The following SMYD3 variants were observed in gnomAD, a reference collection of about 807,000 sequenced individuals.
SMYD3 encodes the protein histone-lysine N-methyltransferase SMYD3.
In SMYD3, 36 loss-of-function variants were observed where a neutral mutation model predicts 57.7. The observed-to-expected ratio is 0.62, with a 90% CI of 0.48 to 0.82. The LOEUF (loss-of-function observed/expected upper bound fraction) is 0.82. Ranked by LOEUF, SMYD3 falls within the 40% of genes least tolerant of loss-of-function variation. The pLI is 0.00. For missense variants in SMYD3, 515 were observed against 538.8 expected (o/e 0.96, Z 0.44); for synonymous variants, 211 against 195.0 (o/e 1.08, Z -0.68).
intron 5 of SMYD3, among the ~76,000 whole-genome samples, chr1:246,270,688 A>G (rs568483924): frequency 2.6e-5 from 4 of 152,334 alleles, no homozygotes; most frequent in African/African-American, 9.6e-5. Context: ...ATTTTATGAT[A>G]TGTATGTATG....
chr1:246,395,726 AGT>A (rs2066655774), intron 1 of SMYD3, among the ~76,000 whole-genome samples: 1 of 95,434 alleles, frequency 1.0e-5, no homozygotes, highest in African/African-American at 3.8e-5. Context: ...CGAACACACC[AGT>A]CAGACAGGGA....
chr1:246,433,532 G>A (rs756203085), intron 1 of SMYD3, among the ~76,000 whole-genome samples: 13 of 152,030 alleles, frequency 8.6e-5, no homozygotes, highest in African/African-American at 2.9e-4. Context: ...ATGCTGGCAC[G>A]CGCCTGTAAT....
chr1:245,896,389 C>CAAA lies in SMYD3; in HGVS notation c.813+19138_813+19140dup, dbSNP rs3052904. On this transcript the variant is annotated intron_variant, in intron 8 of 11. Transcript: ENST00000490107. ...GGAACCAAAAATAGCTTTGCCAAGTCAAAAAAAAAAAAAAAAACAGGCAAT... is the reference window on the plus strand; with the variant it reads ...GGAACCAAAAATAGCTTTGCCAAGTCAAAAAAAAAAAAAAAAAAAACAGGCAAT... 2.5e-3 allele frequency among the ~76,000 whole-genome samples: 186 copies of CAAA among 73,722 alleles called. 24 individuals are homozygous for CAAA. In the South Asian group the frequency reaches 0.041, roughly 16 times the overall value. 48.4% of individuals were successfully genotyped at this position (73,722 alleles called of 152,430 possible). A position where few individuals can be genotyped will look rare whatever the true frequency, so the allele number is the denominator to read the frequency against.
intron 2 of SMYD3, among the ~76,000 whole-genome samples, chr1:246,347,084 CTG>C (rs1178184069): frequency 6.6e-6 from 1 of 151,842 alleles, no homozygotes; most frequent in Non-Finnish European, 1.5e-5. Flanking sequence ...AGAAGAATCT[CTG>C]AGCTGAAATT....
At chr1:245,902,983 A>G (rs981918159) in intron 8 of SMYD3, among the ~76,000 whole-genome samples, 2 of 152,234 alleles carry the variant, frequency 1.3e-5, no homozygotes, top group Admixed American at 1.3e-4. Flanking sequence ...ATTCTTCAGA[A>G]AAAGATATCA....
Position 246,495,075 on chromosome 1 carries a change from C to T in SMYD3, c.164+11979G>A, listed in dbSNP as rs78476682. Among the ~76,000 whole-genome samples, 510 of 152,236 alleles carry T rather than the reference C, an allele frequency of 3.4e-3. 15 individuals are homozygous for T. In the East Asian group the frequency reaches 0.064, roughly 19 times the overall value. On this transcript the variant is annotated intron_variant, in intron 1 of 11. Transcript: ENST00000490107. ...TTAAAAATGTCTATGCTCTGCCGGG[C>T]GCGGTGGCTCACGCCTGTAATCCCA...
At chr1:246,351,024 GT>G (rs1331270167) in intron 2 of SMYD3, among the ~76,000 whole-genome samples, 1 of 152,182 alleles carries the variant, frequency 6.6e-6, no homozygotes, top group Non-Finnish European at 1.5e-5. Flanking sequence ...CACTGCTTTG[GT>G]TATGGTAGTC....
At chr1:245,938,563 A>G (rs184916324) in intron 5 of SMYD3, among the ~76,000 whole-genome samples, 1 of 152,362 alleles carries the variant, frequency 6.6e-6, no homozygotes, top group East Asian at 1.9e-4. Flanking sequence ...GAAAGAAATA[A>G]AAGAGGAAAT....
intron 5 of SMYD3, among the ~76,000 whole-genome samples, chr1:246,198,539 AC>A (rs1467088493): frequency 4.6e-5 from 7 of 152,222 alleles, no homozygotes; most frequent in Non-Finnish European, 2.9e-5. Context: ...TTTAAAGTCT[AC>A]ATGTTAAAAG....
intron 5 of SMYD3, among the ~76,000 whole-genome samples, chr1:246,115,177 C>T (rs745924539): frequency 6.6e-6 from 1 of 152,214 alleles, no homozygotes; most frequent in Non-Finnish European, 1.5e-5. Flanking sequence ...CTTAAATATT[C>T]CACGGAGTAC....
At chr1:246,105,129 C>A (rs12758708) in intron 5 of SMYD3, among the ~76,000 whole-genome samples, 9,682 of 151,930 alleles carry the variant, frequency 0.064, 433 homozygotes, top group East Asian at 0.11. Flanking sequence ...AAGATGATGA[C>A]ACATCACCCG....
intron 5 of SMYD3, among the ~76,000 whole-genome samples, chr1:246,071,887 C>CTTTCCACTGTGCTCACCGTGGA: frequency 5.0e-5 from 1 of 20,048 alleles, no homozygotes; most frequent in African/African-American, 1.3e-4. Context: ...CTCACTGTCG[C>CTTTCCACTGTGCTCACCGTGGA]TGCATCGTGT....
chr1:246,170,086 C>T (rs567028986), intron 5 of SMYD3, among the ~76,000 whole-genome samples: 1 of 151,676 alleles, frequency 6.6e-6, no homozygotes, highest in Non-Finnish European at 1.5e-5. Context: ...ACAGAAAACA[C>T]AGAATAAGGA....
At chr1:246,457,335 C>T (rs981629369) in intron 1 of SMYD3, among the ~76,000 whole-genome samples, 6 of 151,818 alleles carry the variant, frequency 4.0e-5, no homozygotes, top group Non-Finnish European at 8.8e-5. Context: ...AGTTCCAGAC[C>T]AGCCTGGCCA....
chr1:246,395,637 A>C (rs57777631), intron 1 of SMYD3, among the ~76,000 whole-genome samples: 1,251 of 28,450 alleles, frequency 0.044, 10 homozygotes, highest in African/African-American at 0.12. Flanking sequence ...GAAGACGAAC[A>C]CACCACAGTC....
At chr1:246,301,122 G>A (rs1032440759) in intron 5 of SMYD3, among the ~76,000 whole-genome samples, 1 of 152,068 alleles carries the variant, frequency 6.6e-6, no homozygotes. Flanking sequence ...GAAGACTAAT[G>A]AAGAGCAAAA....
rs368009881 is a variant in SMYD3, at chr1:245,779,494, T to C, written c.1077-15345A>G. Reference sequence around the variant, plus strand: ...CTCCATCCTCCCTCTAAACCAAATATATATGACTTCTCCCAGATTGTGGAA... The same window carrying C: ...CTCCATCCTCCCTCTAAACCAAATACATATGACTTCTCCCAGATTGTGGAA... On this transcript the variant is annotated intron_variant, in intron 10 of 11. Coordinates refer to ENST00000490107, the MANE Select transcript of SMYD3 (RefSeq NM_001167740.2). Among the ~76,000 whole-genome samples the C allele has an allele frequency of 8.5e-5, 13 of 152,350 alleles. No homozygotes were observed. In the East Asian group the frequency reaches 9.6e-4, roughly 11 times the overall value.
chr1:246,357,509 C>A (rs1234475877), intron 1 of SMYD3, among the ~76,000 whole-genome samples: 2 of 152,194 alleles, frequency 1.3e-5, no homozygotes, highest in Non-Finnish European at 2.9e-5. Context: ...CGGGGCTGCT[C>A]TATGGAGTAG....
At chr1:246,328,145 C>T (rs2065387468) in intron 4 of SMYD3, among the ~76,000 whole-genome samples, 1 of 151,988 alleles carries the variant, frequency 6.6e-6, no homozygotes, top group Non-Finnish European at 1.5e-5. Flanking sequence ...AGTGAGCCAA[C>T]ATCGCGCCAC....
Sources: allele counts gnomAD v4.1 joint callset (sites outside exome capture counted in the v4.1 genomes callset), GRCh38; gene constraint gnomAD v4.1.1; transcripts MANE v1.5; gene names NCBI Gene and HGNC (gene_info 2026-07-23, HGNC 2026-07-21).